Variants in SCAPER observed in about 807,000 individuals in gnomAD.
SCAPER encodes S-phase cyclin A associated protein in the ER, also known as S phase cyclin A-associated protein in the endoplasmic reticulum.
In SCAPER, 98 loss-of-function variants were observed where a neutral mutation model predicts 182.2. The observed-to-expected ratio is 0.54, with a 90% CI of 0.46 to 0.64. The LOEUF (loss-of-function observed/expected upper bound fraction) is 0.64. Ranked by LOEUF, SCAPER falls within the 30% of genes least tolerant of loss-of-function variation. The pLI is 0.00. For synonymous variants in SCAPER, 605 were observed against 564.6 expected (o/e 1.07, Z -1.01); for missense variants, 1,432 against 1,690.0 (o/e 0.85, Z 2.68).
chr15:76,608,053 C>T (rs2050612035), intron 22 of SCAPER, among the ~76,000 whole-genome samples: 2 of 152,228 alleles, frequency 1.3e-5, no homozygotes, highest in South Asian at 4.1e-4. Context: ...TGCTCTGTTG[C>T]TGGTGAGGAG....
intron 23 of SCAPER, among the ~76,000 whole-genome samples, chr15:76,541,686 A>G (rs2044763751): frequency 6.6e-6 from 1 of 152,228 alleles, no homozygotes; most frequent in African/African-American, 2.4e-5. Context: ...TGATTAGGAC[A>G]CTTAGAAATA....
At chr15:76,822,472 A>G (rs912175566) in intron 5 of SCAPER, among the ~76,000 whole-genome samples, 1 of 152,262 alleles carries the variant, frequency 6.6e-6, no homozygotes, top group African/African-American at 2.4e-5. Context: ...CCAGTTTTCA[A>G]TCATATGATG....
chr15:76,480,088 T>C (rs910480821), intron 24 of SCAPER, among the ~76,000 whole-genome samples: 1 of 152,178 alleles, frequency 6.6e-6, no homozygotes, highest in Non-Finnish European at 1.5e-5. Flanking sequence ...ATTAGCAGTT[T>C]ATATAGTATT....
chr15:76,553,849 G>C (rs2045974479), intron 23 of SCAPER, among the ~76,000 whole-genome samples: 2 of 152,174 alleles, frequency 1.3e-5, no homozygotes, highest in Admixed American at 1.3e-4. Flanking sequence ...CAACTTCAAA[G>C]ATTAAAGGAA....
intron 25 of SCAPER, among the ~76,000 whole-genome samples, chr15:76,450,779 T>G (rs1054901611): frequency 1.3e-5 from 2 of 152,214 alleles, no homozygotes; most frequent in East Asian, 3.8e-4. Flanking sequence ...GGTCTCGAAC[T>G]CCTGGGCTCA....
intron 21 of SCAPER, among the ~76,000 whole-genome samples, chr15:76,651,595 T>C (rs1192532944): frequency 7.6e-6 from 1 of 132,142 alleles, no homozygotes; most frequent in Non-Finnish European, 1.6e-5. Context: ...AGTATCAATG[T>C]AGAAATTAAA....
chr15:76,722,714 T>C (rs911861872), intron 17 of SCAPER, among the ~76,000 whole-genome samples: 4 of 152,232 alleles, frequency 2.6e-5, no homozygotes, highest in Admixed American at 6.5e-5. Context: ...TTTATTTGCA[T>C]AGAGGTGTTT....
chr15:76,812,603 C>T (rs987184133), intron 5 of SCAPER, among the ~76,000 whole-genome samples: 45 of 150,776 alleles, frequency 3.0e-4, no homozygotes, highest in African/African-American at 1.0e-3. Flanking sequence ...TCATCGGAAA[C>T]ATAAAGAGGG....
Position 76,577,183 on chromosome 15 carries a change from T to C in SCAPER, c.2712-2899A>G, listed in dbSNP as rs150413228. Among the ~76,000 whole-genome samples the C allele has an allele frequency of 4.0e-4, 61 of 152,092 alleles. No homozygotes were observed. The East Asian group carries it at 9.1e-3, about 23-fold the overall frequency. On this transcript the variant is annotated intron_variant, in intron 22 of 31. Transcript: ENST00000563290. ...ACTCTGTGCCAGGCACAGTGGCTCA[T>C]ACCTATAATCCCAGTGCTTTGGGAG... is the stretch of plus-strand genomic sequence containing the variant.
intron 5 of SCAPER, among the ~76,000 whole-genome samples, chr15:76,828,983 A>G (rs2068233540): frequency 6.6e-6 from 1 of 152,238 alleles, no homozygotes; most frequent in Non-Finnish European, 1.5e-5. Flanking sequence ...AAGTCCTTGT[A>G]TGATAAGGAC....
intron 5 of SCAPER, among the ~76,000 whole-genome samples, chr15:76,832,789 C>G (rs192592127): frequency 5.1e-4 from 78 of 152,264 alleles, no homozygotes; most frequent in Middle Eastern, 3.4e-3. Context: ...ATGTAAGATG[C>G]CTGCTGCTCC....
chr15:76,495,119 T>TA (rs373052381), intron 24 of SCAPER, among the ~76,000 whole-genome samples: 177 of 152,132 alleles, frequency 1.2e-3, no homozygotes, highest in African/African-American at 4.0e-3. Context: ...TGGGTTACAT[T>TA]AAAAAAAATC....
intron 22 of SCAPER, among the ~76,000 whole-genome samples, chr15:76,581,273 T>C (rs1426594843): frequency 6.6e-6 from 1 of 152,130 alleles, no homozygotes; most frequent in African/African-American, 2.4e-5. Context: ...CAAACTATTC[T>C]AAAAAGTGGA....
chr15:76,809,242 A>T (rs1272189197), intron 5 of SCAPER, among the ~76,000 whole-genome samples: 1 of 152,200 alleles, frequency 6.6e-6, no homozygotes, highest in East Asian at 1.9e-4. Flanking sequence ...AGAAACAGGT[A>T]TACAAGTTCC....
At chr15:76,416,547 A>C (rs2045663635) in intron 26 of SCAPER, among the ~76,000 whole-genome samples, 1 of 152,042 alleles carries the variant, frequency 6.6e-6, no homozygotes. Context: ...TTTAAAAAGA[A>C]TGATGATACC....
At chr15:76,621,709 C>T in intron 22 of SCAPER, 55 bp downstream of exon 22, 1 of 1,380,166 alleles carries the variant, frequency 7.2e-7, no homozygotes, top group Non-Finnish European at 1.0e-6. Flanking sequence ...TTGAGATACA[C>T]TTTTGTTACA....
chr15:76,406,240 G>A (rs1325253930), intron 26 of SCAPER, among the ~76,000 whole-genome samples: 1 of 152,192 alleles, frequency 6.6e-6, no homozygotes, highest in Non-Finnish European at 1.5e-5. Context: ...GACTTTAGGA[G>A]GCTGAGGCAG....
chr15:76,406,918 C>T (rs964611185), intron 26 of SCAPER, among the ~76,000 whole-genome samples: 5 of 152,170 alleles, frequency 3.3e-5, no homozygotes, highest in African/African-American at 1.2e-4. Context: ...GGGAGGACCA[C>T]TCAACATCTT....
At position 76,422,831 on chromosome 15, in the gene SCAPER, G is replaced by C. The variant is rs560469492; in HGVS notation, c.3311+11247C>G. On this transcript the variant is annotated intron_variant, in intron 26 of 31. Transcript: ENST00000563290. Reference sequence around the variant, plus strand: ...TTTATTGAGAGTTTTTAGCAGGAAGGGTTGTTGAATTTTGTCAAAGGCCTT... The same window carrying C: ...TTTATTGAGAGTTTTTAGCAGGAAGCGTTGTTGAATTTTGTCAAAGGCCTT... Among the ~76,000 whole-genome samples, 7 of 151,008 alleles carry C rather than the reference G, an allele frequency of 4.6e-5. No homozygotes were observed. In the East Asian group the frequency reaches 7.7e-4, roughly 17 times the overall value.
Sources: allele counts gnomAD v4.1 joint callset (sites outside exome capture counted in the v4.1 genomes callset), GRCh38; gene constraint gnomAD v4.1.1; transcripts MANE v1.5; gene names NCBI Gene and HGNC (gene_info 2026-07-23, HGNC 2026-07-21).